The following MTA3 variants were observed in gnomAD, a reference collection of about 807,000 sequenced individuals.
MTA3 encodes metastasis associated 1 family member 3, also known as metastasis-associated protein MTA3.
MTA3 carries 34 observed loss-of-function variants against 83.5 expected under a neutral mutation model. That is an observed-to-expected ratio of 0.41 (90% CI 0.31 to 0.54). MTA3 has a LOEUF of 0.54. Among genes scored for constraint, MTA3 ranks in the 20% least tolerant of loss-of-function variants. The probability of loss-of-function intolerance (pLI) is 0.33; values close to 1 mark genes in which losing one functional copy is unlikely to be tolerated. For synonymous variants in MTA3, 303 were observed against 252.7 expected (o/e 1.20, Z -1.89); for missense variants, 761 against 726.4 (o/e 1.05, Z -0.55).
chr2:42,556,258 A>C lies in MTA3; in HGVS notation c.-140-14179A>C, dbSNP rs538197585. ...TACTCCTACTCCAGAGTCTCCCGAAAGCCTATAGATCTGCTCCAGAGAGGA... is the reference window on the plus strand; with the variant it reads ...TACTCCTACTCCAGAGTCTCCCGAACGCCTATAGATCTGCTCCAGAGAGGA... On this transcript the variant is annotated intron_variant, in intron 2 of 17. Transcript: ENST00000405592. 5.3e-5 allele frequency among the ~76,000 whole-genome samples: 8 copies of C among 152,118 alleles called. No homozygotes were observed. In the South Asian group the frequency reaches 1.7e-3, roughly 32 times the overall value.
At chr2:42,674,427 C>T (rs1425294198) in intron 8 of MTA3, among the ~76,000 whole-genome samples, 1 of 152,204 alleles carries the variant, frequency 6.6e-6, no homozygotes, top group Non-Finnish European at 1.5e-5. Flanking sequence ...AATGTGACAA[C>T]ACCTTCACTG....
intron 2 of MTA3, among the ~76,000 whole-genome samples, chr2:42,558,851 G>A (rs1373689909): frequency 4.0e-5 from 6 of 151,718 alleles, no homozygotes; most frequent in Non-Finnish European, 5.9e-5. Context: ...CACCGTGCCC[G>A]GCCTTTTTTT....
At chr2:42,693,158 A>G (rs1051033881) in intron 9 of MTA3, among the ~76,000 whole-genome samples, 12 of 152,018 alleles carry the variant, frequency 7.9e-5, no homozygotes, top group Admixed American at 3.3e-4. Context: ...GCTACCTGGA[A>G]CTGGGGTGTG....
Position 42,522,835 on chromosome 2 carries a change from G to T in MTA3, c.-141+27581G>T, listed in dbSNP as rs186984640. Among the ~76,000 whole-genome samples, 173 of 149,532 alleles carry T rather than the reference G, an allele frequency of 1.2e-3. 3 individuals are homozygous for T. In the East Asian group the frequency reaches 0.017, roughly 15 times the overall value. On this transcript the variant is annotated intron_variant, in intron 2 of 17. Coordinates refer to the MTA3 transcript ENST00000405592. ...TTTTTTTTTTTTTTTTTGAGACAGG[G>T]TCTTACTTTGTCAGGTAGGCTAGAG...
intron 14 of MTA3, among the ~76,000 whole-genome samples, chr2:42,717,614 G>C (rs1407553165): frequency 6.6e-6 from 1 of 152,178 alleles, no homozygotes; most frequent in African/African-American, 2.4e-5. Context: ...CATCCTCACT[G>C]TTTCTTACTG....
At chr2:42,705,744 T>A (rs1002032037) in intron 12 of MTA3, among the ~76,000 whole-genome samples, 20 of 152,044 alleles carry the variant, frequency 1.3e-4, no homozygotes, top group Non-Finnish European at 2.2e-4. Flanking sequence ...TGCAAACCCC[T>A]TTCACACTCA....
intron 3 of MTA3, 91 bp from the exon 4 acceptor site, chr2:42,609,367 A>T: frequency 7.5e-7 from 1 of 1,336,188 alleles, no homozygotes; most frequent in Non-Finnish European, 1.0e-6. Context: ...TTTGAAGAAA[A>T]TATTGAATAA....
chr2:42,712,670 A>G (rs1666722368), intron 14 of MTA3: 1 of 152,160 alleles, frequency 6.6e-6, no homozygotes, highest in African/African-American at 2.4e-5. Flanking sequence ...TTCATTGCAT[A>G]AAGAAACGTA....
chr2:42,693,310 G>A (rs1355368716), intron 9 of MTA3, among the ~76,000 whole-genome samples: 2 of 152,174 alleles, frequency 1.3e-5, no homozygotes, highest in East Asian at 3.9e-4. Flanking sequence ...ACAGGTTTGT[G>A]TCCTTCCCTT....
intron 2 of MTA3, among the ~76,000 whole-genome samples, chr2:42,542,044 G>C (rs1676540742): frequency 6.6e-6 from 1 of 152,162 alleles, no homozygotes; most frequent in African/African-American, 2.4e-5. Flanking sequence ...TGTGTGTGCT[G>C]TCTCCTTTCT....
At chr2:42,507,826 G>A (rs185556738) in intron 2 of MTA3, among the ~76,000 whole-genome samples, 23 of 151,882 alleles carry the variant, frequency 1.5e-4, no homozygotes, top group African/African-American at 5.6e-4. Context: ...ACCTACTCCA[G>A]AGGCTGAGGT....
chr2:42,583,711 TA>T (rs1679934940), intron 3 of MTA3, among the ~76,000 whole-genome samples: 1 of 151,106 alleles, frequency 6.6e-6, no homozygotes, highest in Non-Finnish European at 1.5e-5. Context: ...GTATTTTTAG[TA>T]GAGATGGGGT....
In MTA3 at chr2:42,609,516, A is replaced by G; in HGVS notation, c.249A>G (p.Lys83=). 1 of 1,613,942 alleles carries G rather than the reference A, an allele frequency of 6.2e-7. No homozygotes were observed. ...TVEADLTDKQ[K]HQLKHRELFL... is the part of the protein sequence containing the mutation. ...AGGCTGACTTGACCGATAAGCAGAA[A>G]CATCAGTTGAAACATAGGGAACTCT... Residue 83 remains lysine, a synonymous_variant, in exon 4 of 17, where the codon AAA becomes AAG. Coordinates refer to ENST00000405094, the MANE Select transcript of MTA3 (RefSeq NM_001330442.2).
chr2:42,548,504 TA>T (rs1676863683), intron 2 of MTA3, among the ~76,000 whole-genome samples: 1 of 150,434 alleles, frequency 6.6e-6, no homozygotes, highest in African/African-American at 2.5e-5. Context: ...ATGCAAATAT[TA>T]AATGGGCTGG....
chr2:42,519,553 C>T (rs1423673234), intron 2 of MTA3, among the ~76,000 whole-genome samples: 1 of 151,600 alleles, frequency 6.6e-6, no homozygotes, highest in Non-Finnish European at 1.5e-5. Flanking sequence ...TTGCATTGAG[C>T]CCAGATGGCA....
chr2:42,515,054 CTTATT>C (rs1675078157), intron 2 of MTA3, among the ~76,000 whole-genome samples: 1 of 150,974 alleles, frequency 6.6e-6, no homozygotes, highest in Non-Finnish European at 1.5e-5. Flanking sequence ...TTTATTTTAT[CTTATT>C]TTATTTTAAT....
chr2:42,529,063 C>T (rs947251854), intron 2 of MTA3, among the ~76,000 whole-genome samples: 4 of 152,138 alleles, frequency 2.6e-5, no homozygotes, highest in African/African-American at 7.2e-5. Context: ...AACCTTTAGG[C>T]AGAACTTAAA....
intron 6 of MTA3, among the ~76,000 whole-genome samples, chr2:42,649,418 A>G (rs1441370396): frequency 6.6e-6 from 1 of 152,096 alleles, no homozygotes; most frequent in Non-Finnish European, 1.5e-5. Flanking sequence ...CTCTCCAAAA[A>G]AAAAAAAGCT....
chr2:42,631,025 G>A (rs1026765678), intron 4 of MTA3, among the ~76,000 whole-genome samples: 4 of 152,136 alleles, frequency 2.6e-5, no homozygotes, highest in Non-Finnish European at 5.9e-5. Context: ...GGCTGTGAAT[G>A]TTAAAAACTT....
Sources: gnomAD v4.1 joint callset for allele counts (sites outside exome capture counted in the v4.1 genomes callset) on GRCh38, gnomAD v4.1.1 for gene constraint, MANE v1.5 for transcripts, NCBI Gene and HGNC (gene_info 2026-07-23, HGNC 2026-07-21) for gene names.